MTREX: variants seen among roughly 807,000 people sequenced by gnomAD.
The protein encoded by MTREX is exosome RNA helicase MTR4.
In MTREX, 76 loss-of-function variants were observed where a neutral mutation model predicts 135.4. That is an observed-to-expected ratio of 0.56 (90% confidence interval 0.47 to 0.68). MTREX has a LOEUF of 0.68. MTREX is among the 30% of genes least tolerant of loss of function. The probability of loss-of-function intolerance (pLI) is 0.00; values close to 1 mark genes in which losing one functional copy is unlikely to be tolerated. For missense variants in MTREX, 920 were observed against 1,262.1 expected, an observed-to-expected ratio of 0.73 and a Z score of 4.11; for synonymous variants, 404 against 401.6, an observed-to-expected ratio of 1.01 and a Z score of -0.07.
intron 26 of MTREX, chr5:55,424,437 G>A (rs533831851): frequency 1.1e-3 from 253 of 222,738 alleles, no homozygotes; most frequent in Middle Eastern, 3.1e-3. Flanking sequence ...GAGCTACTGC[G>A]CCCGACCTAG....
At chr5:55,352,642 A>ATG (rs1331612826) in intron 13 of MTREX, among the ~76,000 whole-genome samples, 1 of 152,230 alleles carries the variant, frequency 6.6e-6, no homozygotes, top group East Asian at 1.9e-4. Context: ...GAGATGATGA[A>ATG]CTAAAATATT....
At chr5:55,410,056 A>G (rs1750862311) in intron 22 of MTREX, among the ~76,000 whole-genome samples, 2 of 152,182 alleles carry the variant, frequency 1.3e-5, no homozygotes, top group South Asian at 4.1e-4. Flanking sequence ...CTCTACTATA[A>G]TATAAAAACT....
intron 24 of MTREX, 105 bp downstream of exon 24, chr5:55,414,343 G>A: frequency 1.1e-6 from 1 of 910,686 alleles, no homozygotes; most frequent in Non-Finnish European, 1.6e-6. Context: ...ATTTCACAGA[G>A]ATAACCTATA....
chr5:55,378,710 GTAGA>G (rs1201531151), intron 17 of MTREX, among the ~76,000 whole-genome samples: 4 of 152,108 alleles, frequency 2.6e-5, no homozygotes, highest in African/African-American at 9.7e-5. Flanking sequence ...ATAAATTGAA[GTAGA>G]TAGTTTTGGA....
chr5:55,404,701 G>T (rs1276495314), intron 21 of MTREX, among the ~76,000 whole-genome samples: 3 of 151,732 alleles, frequency 2.0e-5, no homozygotes, highest in Non-Finnish European at 4.4e-5. Context: ...TACTCTTACA[G>T]CCTACCTTGT....
intron 19 of MTREX, among the ~76,000 whole-genome samples, chr5:55,394,637 C>T (rs1248142917): frequency 3.3e-5 from 5 of 152,180 alleles, no homozygotes; most frequent in Non-Finnish European, 1.5e-5. Flanking sequence ...CTCTCTCCCC[C>T]ACCACTCTTG....
chr5:55,335,769 T>C lies in MTREX; in HGVS notation c.516-4241T>C, dbSNP rs560996389. ...TTGTATTTCCAATAGTATTTTAAGA[T>C]TGGCTTGTGAATTTCCAACCAGAAA... On this transcript the variant is annotated intron_variant, in intron 5 of 26. Coordinates refer to ENST00000230640, the MANE Select transcript of MTREX (RefSeq NM_015360.5). Among the ~76,000 whole-genome samples the C allele has an allele frequency of 2.6e-5, 4 of 152,264 alleles. No homozygotes were observed. The South Asian group carries it at 8.3e-4, about 32-fold the overall frequency.
chr5:55,374,978 T>C (rs1750271518), intron 16 of MTREX, among the ~76,000 whole-genome samples: 1 of 152,156 alleles, frequency 6.6e-6, no homozygotes, highest in South Asian at 2.1e-4. Context: ...CACATGTCGG[T>C]AGGTTCCGTG....
At chr5:55,424,120 TTTTTA>T (rs1449255773) in intron 26 of MTREX, 2 of 152,038 alleles carry the variant, frequency 1.3e-5, no homozygotes, top group Non-Finnish European at 1.5e-5. Context: ...CCTATAATTT[TTTTTA>T]TTTTTATTTT....
chr5:55,397,931 C>G (rs1420732253), intron 20 of MTREX, among the ~76,000 whole-genome samples: 1 of 151,642 alleles, frequency 6.6e-6, no homozygotes, highest in Non-Finnish European at 1.5e-5. Flanking sequence ...ATTTAATTTC[C>G]TAGTAGAAAA....
intron 23 of MTREX, among the ~76,000 whole-genome samples, chr5:55,412,804 A>G (rs1031569019): frequency 1.3e-5 from 2 of 152,202 alleles, no homozygotes; most frequent in Non-Finnish European, 2.9e-5. Flanking sequence ...ATGAATAGAC[A>G]TAATATCAAA....
At chr5:55,316,661 A>G (rs1749203298) in intron 1 of MTREX, among the ~76,000 whole-genome samples, 1 of 152,180 alleles carries the variant, frequency 6.6e-6, no homozygotes, top group Non-Finnish European at 1.5e-5. Context: ...TCTATGACAA[A>G]CCCACAACCA....
intron 5 of MTREX, among the ~76,000 whole-genome samples, chr5:55,330,615 A>AT (rs941781488): frequency 5.4e-4 from 76 of 142,002 alleles, no homozygotes; most frequent in African/African-American, 1.6e-3. Context: ...TGCTTCTTTG[A>AT]TTTTTTTTTT....
chr5:55,374,078 C>T (rs936032858), intron 16 of MTREX, among the ~76,000 whole-genome samples: 58 of 151,798 alleles, frequency 3.8e-4, no homozygotes, highest in African/African-American at 1.4e-3. Flanking sequence ...GCCAACATGG[C>T]GAAACCCTGT....
Position 55,400,417 on chromosome 5 carries a change from C to A in MTREX, c.2477C>A (p.Ala826Glu). The part of the protein sequence containing the change: ...ETVYTLCEKK[A>E]QIAIDIKSAK... ...GTGTATACGCTTTGTGAAAAAAAAG[C>A]ACAGGTATGGCAGAAATTTGGTTTT... The change falls in exon 21 of 27, where the codon GCA (alanine) becomes GAA (glutamate). Residue 826 changes from alanine to glutamate, a missense_variant. Ala to Glu is a moderately radical substitution (Grantham distance 107, BLOSUM62 -1). Around this residue, in one of 6 missense-constraint regions of MTREX, gnomAD observed 467 missense variants for 589.7 expected, o/e 0.79. Transcript: ENST00000230640. 6.4e-7 allele frequency: 1 copy of A among 1,570,334 alleles called. No individual in the cohort carries two copies. The highest frequency in any genetic ancestry group is 8.7e-7 in the Non-Finnish European group (1 of 1,155,054).
At chr5:55,403,187 T>G (rs1216384221) in intron 21 of MTREX, among the ~76,000 whole-genome samples, 2 of 151,706 alleles carry the variant, frequency 1.3e-5, no homozygotes, top group African/African-American at 4.9e-5. Flanking sequence ...GGTGACAGAG[T>G]GAGACCCTAT....
intron 16 of MTREX, among the ~76,000 whole-genome samples, chr5:55,367,889 A>AT (rs1300491948): frequency 6.6e-6 from 1 of 152,236 alleles, no homozygotes; most frequent in African/African-American, 2.4e-5. Context: ...GAGAAAGAAA[A>AT]TGTGACAAAA....
At chr5:55,399,968 G>A (rs568254425) in intron 20 of MTREX, among the ~76,000 whole-genome samples, 2 of 152,254 alleles carry the variant, frequency 1.3e-5, no homozygotes, top group African/African-American at 2.4e-5. Flanking sequence ...GTTGTGCCAC[G>A]TTCAGGACTA....
At chr5:55,317,489 A>G (rs974360996) in intron 1 of MTREX, among the ~76,000 whole-genome samples, 1 of 152,200 alleles carries the variant, frequency 6.6e-6, no homozygotes, top group Non-Finnish European at 1.5e-5. Context: ...ATCTACAACC[A>G]TCTGATCTTT....
Sources: allele counts gnomAD v4.1 joint callset (sites outside exome capture counted in the v4.1 genomes callset), GRCh38; gene constraint gnomAD v4.1.1; regional missense constraint gnomAD v4.1.1; transcripts MANE v1.5; gene names NCBI Gene and HGNC (gene_info 2026-07-23, HGNC 2026-07-21).